The following CDC42BPB variants were observed in gnomAD, a reference collection of about 807,000 sequenced individuals.
CDC42BPB encodes the protein serine/threonine-protein kinase MRCK beta.
A neutral mutation model predicts 214.9 loss-of-function variants in CDC42BPB; 37 were observed. The observed-to-expected ratio is 0.17, with a 90% CI of 0.13 to 0.23. The LOEUF is 0.23. CDC42BPB is among the 10% of genes least tolerant of loss of function. The probability of loss-of-function intolerance (pLI) is 1.00; values close to 1 mark genes in which losing one functional copy is unlikely to be tolerated. For synonymous variants in CDC42BPB, 931 were observed against 884.0 expected (o/e 1.05, Z -0.94); for missense variants, 1,694 against 2,227.0 (o/e 0.76, Z 4.82).
At chr14:103,000,469 A>C (rs7154442) in intron 4 of CDC42BPB, among the ~76,000 whole-genome samples, 5,895 of 152,334 alleles carry the variant, frequency 0.039, 375 homozygotes, top group African/African-American at 0.13. Context: ...CTCACAGGTC[A>C]GAGAGGCCCA....
chr14:103,045,232 G>A (rs1888225509), intron 1 of CDC42BPB, among the ~76,000 whole-genome samples: 1 of 152,026 alleles, frequency 6.6e-6, no homozygotes, highest in African/African-American at 2.4e-5. Flanking sequence ...TTTGCACCTC[G>A]CTACGTTATT....
At chr14:102,977,305 C>T (rs1003585879) in intron 9 of CDC42BPB, among the ~76,000 whole-genome samples, 23 of 144,306 alleles carry the variant, frequency 1.6e-4, no homozygotes, top group East Asian at 2.0e-4. Context: ...TGCCTCTGCA[C>T]TCCAGCCTGG....
intron 27 of CDC42BPB, 22 bp from the exon 28 acceptor site, chr14:102,946,706 A>G (rs1892195355): frequency 6.2e-7 from 1 of 1,610,406 alleles, no homozygotes; most frequent in Admixed American, 1.7e-5. Flanking sequence ...GAAACAGAAG[A>G]GAAGAGAGAA....
rs985772835 is a variant in CDC42BPB at position 102,964,666 on chromosome 14, T to C, written c.2578-16A>G. ...ACAGCGGGTCCTTGAGACACGGTCA[T>C]GGCGTTAAAAATGCATTTTCAGTTA... is the stretch of plus-strand genomic sequence containing the variant. On this transcript the variant is annotated splice_polypyrimidine_tract_variant and intron_variant, in intron 18 of 36. Coordinates refer to ENST00000361246, the MANE Select transcript of CDC42BPB (RefSeq NM_006035.4). 6.3e-7 allele frequency: 1 copy of C among 1,586,528 alleles called. No individual in the cohort carries two copies.
In CDC42BPB at chr14:102,946,623, T is replaced by C; in HGVS notation, c.3593A>G (p.Asn1198Ser). Residue 1198 changes from asparagine to serine, a missense_variant, in exon 28 of 37, where the codon AAT becomes AGT. By Grantham distance (46) the Asn-to-Ser change is conservative. Around this residue, in one of 7 missense-constraint regions of CDC42BPB, gnomAD observed 567 missense variants for 790.3 expected, o/e 0.72. Coordinates refer to ENST00000361246, the MANE Select transcript of CDC42BPB (RefSeq NM_006035.4). ...AACCCACTTCCTCTTTTCATTCTCA[T>C]TTTCTGTCAGAATGAGCAGCGAGCT... ...KTSSLLILTENENEKRKWVGI... is the reference protein window; with the variant it reads ...KTSSLLILTESENEKRKWVGI... 1 of 1,612,762 alleles carries C rather than the reference T, an allele frequency of 6.2e-7. No homozygotes were observed.
chr14:103,010,405 G>C (rs17590354), intron 2 of CDC42BPB, among the ~76,000 whole-genome samples: 8 of 152,210 alleles, frequency 5.3e-5, no homozygotes, highest in African/African-American at 1.7e-4. Context: ...ACGATGGGAC[G>C]AGCCTTGCAG....
chr14:102,972,311 A>G lies in CDC42BPB; in HGVS notation c.1642-150T>C, dbSNP rs117070914. The G allele has an allele frequency of 1.5e-3, 2,177 of 1,476,906 alleles. 31 individuals carry two copies. In the East Asian group the frequency reaches 0.03, roughly 20 times the overall value. The allele number at this position is 1,476,906 out of a possible 1,614,324, so 91.5% of individuals were successfully genotyped here. On this transcript the variant is annotated intron_variant, in intron 12 of 36. Coordinates refer to ENST00000361246, the MANE Select transcript of CDC42BPB (RefSeq NM_006035.4). ...ACAGATCTGAGCTGCTTGGAAAAAG[A>G]CCTGTGCTCTGTCTCGTGCCAGCCA...
Position 102,933,751 on chromosome 14 carries a change from G to T in CDC42BPB, c.5097C>A (p.Leu1699=). The change falls in exon 37 of 37, where the codon CTC becomes CTA. Residue 1699 remains leucine (L), a synonymous_variant. Transcript: ENST00000361246. ...CCGGCTGCTCCAGGCCTTCGAGGGG[G>T]AGCTGGCTCCTGTGGGGGGAGTTGG... ...PSPNSPHRSQ[L]PLEGLEQPAC... The T allele has an allele frequency of 6.7e-7, 1 of 1,496,728 alleles. No homozygotes were observed. 92.7% of individuals were successfully genotyped at this position (1,496,728 alleles called of 1,614,324 possible).
intron 21 of CDC42BPB, among the ~76,000 whole-genome samples, chr14:102,958,531 G>C (rs1892810934): frequency 6.6e-6 from 1 of 152,116 alleles, no homozygotes; most frequent in Non-Finnish European, 1.5e-5. Flanking sequence ...TTTGCGTGCT[G>C]CTATCAAGGG....
chr14:103,008,381 G>T, intron 3 of CDC42BPB, 91 bp downstream of exon 3: 1 of 838,254 alleles, frequency 1.2e-6, no homozygotes, highest in Non-Finnish European at 2.1e-6. Context: ...CAGGGCTGTG[G>T]GGTGGCTGCA....
intron 1 of CDC42BPB, among the ~76,000 whole-genome samples, chr14:103,022,409 T>G (rs1055083642): frequency 6.6e-6 from 1 of 152,166 alleles, no homozygotes; most frequent in Non-Finnish European, 1.5e-5. Context: ...GTCGGCAGCC[T>G]GGAGCACAGT....
Position 102,954,236 on chromosome 14 carries a change from A to T in CDC42BPB, c.3028T>A (p.Leu1010Met). ...RPPQRPSAVP[L>M]PTTQALALAG... ...AGAGCCAGGGCCTGCGTGGTGGGCA[A>T]CGGCACAGCGGATGGCCTCTGCGGG... The change falls in exon 23 of 37, where the codon TTG becomes ATG. Residue 1010 changes from leucine (L) to methionine (M), a missense_variant. Leu to Met is a conservative substitution (Grantham distance 15). This residue lies in a region of CDC42BPB where 156 missense variants were observed against 154.5 expected (regional missense o/e 1.01). Transcript: ENST00000361246. The T allele has an allele frequency of 6.5e-7, 1 of 1,546,392 alleles. No homozygotes were observed. The highest frequency in any genetic ancestry group is 8.7e-7 in the Non-Finnish European group (1 of 1,146,072).
At chr14:102,974,721 G>A (rs1004280304) in intron 11 of CDC42BPB, among the ~76,000 whole-genome samples, 2 of 152,194 alleles carry the variant, frequency 1.3e-5, no homozygotes, top group Non-Finnish European at 1.5e-5. Context: ...ACTTCGGGAG[G>A]CCAAGGCAGG....
In CDC42BPB at chr14:102,984,307, G is replaced by GT. The variant is rs546720255; in HGVS notation, c.691-552dup. 8.5e-5 allele frequency among the ~76,000 whole-genome samples: 13 copies of GT among 152,292 alleles called. No individual in the cohort carries two copies. In the East Asian group the frequency reaches 2.5e-3, roughly 29 times the overall value. Reference sequence around the variant, plus strand: ...TCATGTGCAGCACGCAGGGAGTCTTGTGTAGGGTCTGTTTTTAGAATAAAG... The same window carrying GT: ...TCATGTGCAGCACGCAGGGAGTCTTGTTGTAGGGTCTGTTTTTAGAATAAAG... On this transcript the variant is annotated intron_variant, in intron 6 of 36. Coordinates refer to ENST00000361246, the MANE Select transcript of CDC42BPB (RefSeq NM_006035.4).
chr14:103,006,402 A>G (rs997413390), intron 3 of CDC42BPB, among the ~76,000 whole-genome samples: 4 of 152,260 alleles, frequency 2.6e-5, no homozygotes, highest in African/African-American at 9.6e-5. Context: ...AGCTGCCCAG[A>G]GCATTTAGGA....
At chr14:103,011,096 C>T (rs1160707861) in intron 2 of CDC42BPB, among the ~76,000 whole-genome samples, 1 of 152,232 alleles carries the variant, frequency 6.6e-6, no homozygotes, top group South Asian at 2.1e-4. Context: ...GAGGCGGTAC[C>T]GCGGCCGCTG....
chr14:102,977,409 A>G (rs1343093493), intron 9 of CDC42BPB, among the ~76,000 whole-genome samples: 1 of 150,998 alleles, frequency 6.6e-6, no homozygotes, highest in African/African-American at 2.4e-5. Context: ...CTGTGGTTCC[A>G]GCTGCCAGAG....
At chr14:103,048,479 G>A (rs1261650907) in intron 1 of CDC42BPB, among the ~76,000 whole-genome samples, 2 of 142,584 alleles carry the variant, frequency 1.4e-5, no homozygotes, top group African/African-American at 5.2e-5. Context: ...ACGAGGTCAG[G>A]AGATGGAGAC....
chr14:103,045,961 C>T (rs903556772), intron 1 of CDC42BPB, among the ~76,000 whole-genome samples: 12 of 152,142 alleles, frequency 7.9e-5, no homozygotes, highest in African/African-American at 2.7e-4. Context: ...AATGTCAACA[C>T]GATTTTGCAG....
Sources: allele counts gnomAD v4.1 joint callset (sites outside exome capture counted in the v4.1 genomes callset), GRCh38; gene constraint gnomAD v4.1.1; regional missense constraint gnomAD v4.1.1; transcripts MANE v1.5; gene names NCBI Gene and HGNC (gene_info 2026-07-23, HGNC 2026-07-21).